CELF2: variants seen among roughly 807,000 people sequenced by gnomAD.
CELF2 encodes the protein CUG triplet repeat RNA-binding protein 2.
CELF2 carries 8 observed loss-of-function variants against 62.6 expected under a neutral mutation model. The observed-to-expected ratio is 0.13, with a 90% CI of 0.07 to 0.23. CELF2 has a LOEUF of 0.23. CELF2 is among the 10% of genes least tolerant of loss of function. The pLI is 1.00. For synonymous variants in CELF2, 258 were observed against 250.0 expected (o/e 1.03, Z -0.30); for missense variants, 333 against 671.0 (o/e 0.50, Z 5.56).
the CELF2 span, among the ~76,000 whole-genome samples, chr10:10,754,109 G>T: frequency 2.6e-5 from 3 of 116,516 alleles, no homozygotes; most frequent in South Asian, 2.9e-4. Context: ...AAAAGCATTT[G>T]AAATTAACTA....
chr10:11,137,457 T>C (rs1301225073), intron 1 of CELF2, among the ~76,000 whole-genome samples: 1 of 152,202 alleles, frequency 6.6e-6, no homozygotes, highest in Non-Finnish European at 1.5e-5. Context: ...AGTCAGATGG[T>C]TTTGTGTACA....
Position 11,140,342 on chromosome 10 carries a change from G to A in CELF2, c.75-25144G>A, listed in dbSNP as rs555404024. Among the ~76,000 whole-genome samples the A allele has an allele frequency of 7.2e-5, 11 of 152,188 alleles. No individual in the cohort carries two copies. In the South Asian group the frequency reaches 1.9e-3, roughly 26 times the overall value. On this transcript the variant is annotated intron_variant, in intron 1 of 12. Transcript: ENST00000633077. Reference sequence around the variant, plus strand: ...TGCAGCCTTGAACTCCTGGCCTCCGGTGATCCTTCCATCTCACCCTCCCAG... The same window carrying A: ...TGCAGCCTTGAACTCCTGGCCTCCGATGATCCTTCCATCTCACCCTCCCAG...
the CELF2 span, among the ~76,000 whole-genome samples, chr10:10,580,195 T>A: frequency 6.6e-6 from 1 of 152,144 alleles, no homozygotes; most frequent in Non-Finnish European, 1.5e-5. Flanking sequence ...AAGCTTATAA[T>A]CACTCCTGGA....
At chr10:10,774,353 T>G in the CELF2 span, among the ~76,000 whole-genome samples, 1 of 152,212 alleles carries the variant, frequency 6.6e-6, no homozygotes, top group Non-Finnish European at 1.5e-5. Context: ...GGATACAGTT[T>G]GGATCTGGGT....
chr10:10,916,015 T>C (rs1042616357), intron 1 of CELF2, among the ~76,000 whole-genome samples: 7 of 152,240 alleles, frequency 4.6e-5, no homozygotes, highest in Non-Finnish European at 1.0e-4. Context: ...GAAAAATGCA[T>C]GGTTTTTATG....
intron 1 of CELF2, among the ~76,000 whole-genome samples, chr10:11,037,302 AC>A (rs1238879752): frequency 6.6e-6 from 1 of 151,870 alleles, no homozygotes; most frequent in Non-Finnish European, 1.5e-5. Flanking sequence ...GGAGAAACCC[AC>A]CCCCTTGATT....
chr10:10,678,048 T>G, the CELF2 span, among the ~76,000 whole-genome samples: 6 of 152,292 alleles, frequency 3.9e-5, no homozygotes, highest in African/African-American at 1.4e-4. Flanking sequence ...AGACTACTGG[T>G]GCAAGCCTGT....
chr10:11,332,008 A>G lies in CELF2; in HGVS notation c.*2955A>G, dbSNP rs2096033403. On this transcript the variant is annotated 3_prime_UTR_variant, in exon 13 of 13. Transcript: ENST00000633077. ...CTTTGGTTAAGATCCAAAAGAAAAC[A>G]GAAAACAATTCCACGAGGCCAATCT... is the stretch of plus-strand genomic sequence containing the variant. 1 of 152,132 alleles carries G rather than the reference A, an allele frequency of 6.6e-6. No homozygotes were observed. Among genetic ancestry groups the G allele is most frequent in the East Asian group, 1.9e-4 (1 of 5,208 alleles). 9.4% of individuals were successfully genotyped at this position (152,132 alleles called of 1,614,324 possible).
At chr10:11,304,923 C>T (rs1048312545) in intron 9 of CELF2, among the ~76,000 whole-genome samples, 1 of 152,166 alleles carries the variant, frequency 6.6e-6, no homozygotes, top group Non-Finnish European at 1.5e-5. Flanking sequence ...TTTTTAGTTC[C>T]CTCTCCAAAC....
At chr10:10,798,706 C>T (rs1375773965) in exon 1 of CELF2, 4 of 398,642 alleles carry the variant, frequency 1.0e-5, no homozygotes, top group Non-Finnish European at 1.3e-5. Flanking sequence ...CCGTCTGTTC[C>T]CCAGCACCCC....
chr10:10,940,289 T>G (rs531374551), intron 2 of CELF2, among the ~76,000 whole-genome samples: 7 of 152,334 alleles, frequency 4.6e-5, no homozygotes, highest in African/African-American at 1.7e-4. Context: ...TGTTTATGTT[T>G]GATTATTCAA....
chr10:10,698,401 G>A, the CELF2 span, among the ~76,000 whole-genome samples: 402 of 152,186 alleles, frequency 2.6e-3, 4 homozygotes, highest in African/African-American at 9.2e-3. Flanking sequence ...AACATCTCTC[G>A]GGATACAAGG....
chr10:10,994,517 C>T (rs2053750594), intron 2 of CELF2, among the ~76,000 whole-genome samples: 1 of 152,360 alleles, frequency 6.6e-6, no homozygotes, highest in Admixed American at 6.5e-5. Context: ...AGCTAAGCTA[C>T]ATCTGTATTT....
At chr10:10,704,116 T>A in the CELF2 span, among the ~76,000 whole-genome samples, 6 of 152,244 alleles carry the variant, frequency 3.9e-5, no homozygotes, top group East Asian at 1.2e-3. Flanking sequence ...CCCAGTGCCA[T>A]GTCTGAGCAA....
Position 11,329,938 on chromosome 10 carries a change from CAG to C in CELF2, c.*887_*888del, listed in dbSNP as rs1371286407. ...TTTTTATACAAAATTTTTACTGCCT[CAG>C]AAATAATGGAAGTTATTTATTGCCT... On this transcript the variant is annotated 3_prime_UTR_variant, in exon 13 of 13. Coordinates refer to ENST00000633077, the MANE Select transcript of CELF2 (RefSeq NM_001326342.2). This position sits in a 1 kb window ranked among gnomAD's most constrained non-coding sequence, Gnocchi z 5.5. 2.6e-5 allele frequency: 4 copies of C among 152,568 alleles called. No individual in the cohort carries two copies. Among genetic ancestry groups the C allele is most frequent in the African/African-American group, 9.7e-5 (4 of 41,438 alleles). 9.5% of individuals were successfully genotyped at this position (152,568 alleles called of 1,614,324 possible). A position where few individuals can be genotyped will look rare whatever the true frequency, so the allele number is the denominator to read the frequency against.
intron 1 of CELF2, among the ~76,000 whole-genome samples, chr10:10,852,423 G>T (rs1384951478): frequency 6.6e-6 from 1 of 152,216 alleles, no homozygotes; most frequent in Non-Finnish European, 1.5e-5. Context: ...GAATGGATTA[G>T]TAGGTGCTGG....
intron 1 of CELF2, among the ~76,000 whole-genome samples, chr10:11,049,621 A>G (rs2139975461): frequency 6.7e-6 from 1 of 149,696 alleles, no homozygotes; most frequent in Non-Finnish European, 1.5e-5. Context: ...TTGTTTCTGC[A>G]TCTCCCCTTT....
At chr10:10,657,099 T>A in the CELF2 span, among the ~76,000 whole-genome samples, 2 of 152,250 alleles carry the variant, frequency 1.3e-5, no homozygotes, top group Admixed American at 1.3e-4. Flanking sequence ...TGATAGAGGC[T>A]ACAGCATGGT....
chr10:10,776,957 A>G, the CELF2 span, among the ~76,000 whole-genome samples: 2 of 152,218 alleles, frequency 1.3e-5, no homozygotes, highest in Non-Finnish European at 2.9e-5. Flanking sequence ...TGGCTATGCC[A>G]TTCGGCCAAT....
Sources: gnomAD v4.1 joint callset for allele counts (sites outside exome capture counted in the v4.1 genomes callset) on GRCh38, gnomAD v4.1.1 for gene constraint, Gnocchi (gnomAD v3.1) non-coding constraint, MANE v1.5 for transcripts, NCBI Gene and HGNC (gene_info 2026-07-23, HGNC 2026-07-21) for gene names.